The following XPR1 variants were observed in gnomAD, a reference collection of about 807,000 sequenced individuals.
XPR1 encodes the protein solute carrier family 53 member 1.
XPR1 carries 28 observed loss-of-function variants against 87.5 expected under a neutral mutation model. That is an observed-to-expected ratio of 0.32 (90% CI 0.24 to 0.44). The LOEUF is 0.44. Ranked by LOEUF, XPR1 falls within the 20% of genes least tolerant of loss-of-function variation. The pLI, the probability that XPR1 is intolerant of heterozygous loss-of-function variation, is 1.00. For synonymous variants in XPR1, 300 were observed against 306.1 expected (o/e 0.98, Z 0.21); for missense variants, 559 against 862.3 (o/e 0.65, Z 4.41).
chr1:180,814,158 AC>A (rs2102135357), intron 7 of XPR1, among the ~76,000 whole-genome samples: 1 of 152,292 alleles, frequency 6.6e-6, no homozygotes, highest in Admixed American at 6.5e-5. Flanking sequence ...TGAAATGATA[AC>A]CTACATTGTA....
intron 6 of XPR1, among the ~76,000 whole-genome samples, chr1:180,807,997 C>CA (rs893666425): frequency 1.3e-5 from 2 of 151,622 alleles, no homozygotes; most frequent in Non-Finnish European, 2.9e-5. Flanking sequence ...ACTCTGTCTC[C>CA]AAAAAAAGAA....
At position 180,888,632 on chromosome 1, in the gene XPR1, T is replaced by C. The variant is rs901748182; in HGVS notation, c.*4566T>C. ...ATTTATCAGCTTTGTTCATATTCTT[T>C]TTCTGAGTGATCTAAATTTTTCTTG... On this transcript the variant is annotated 3_prime_UTR_variant, in exon 15 of 15. Coordinates refer to ENST00000367590, the MANE Select transcript of XPR1 (RefSeq NM_004736.4). The C allele has an allele frequency of 2.0e-5, 3 of 152,026 alleles. No individual in the cohort carries two copies. Among genetic ancestry groups the C allele is most frequent in the Non-Finnish European group, 4.4e-5 (3 of 68,004 alleles). The allele number at this position is 152,026 out of a possible 1,614,324, so 9.4% of individuals were successfully genotyped here. A position where few individuals can be genotyped will look rare whatever the true frequency, so the allele number is the denominator to read the frequency against.
chr1:180,702,492 AT>A (rs1374550392), intron 2 of XPR1, among the ~76,000 whole-genome samples: 3 of 149,758 alleles, frequency 2.0e-5, no homozygotes, highest in Non-Finnish European at 3.0e-5. Context: ...TTCTTTCTTT[AT>A]TTTTTTTTGT....
At chr1:180,696,340 T>G (rs2101964756) in intron 2 of XPR1, among the ~76,000 whole-genome samples, 1 of 151,992 alleles carries the variant, frequency 6.6e-6, no homozygotes, top group Non-Finnish European at 1.5e-5. Context: ...CTTTACGGAA[T>G]TTATCACTTC....
intron 2 of XPR1, among the ~76,000 whole-genome samples, chr1:180,736,939 C>T (rs1015337541): frequency 1.3e-5 from 2 of 152,108 alleles, no homozygotes; most frequent in Admixed American, 6.5e-5. Flanking sequence ...GGAAAAGAAG[C>T]GATGTCTCAA....
At chr1:180,719,586 C>T (rs887220685) in intron 2 of XPR1, among the ~76,000 whole-genome samples, 1 of 151,774 alleles carries the variant, frequency 6.6e-6, no homozygotes, top group African/African-American at 2.4e-5. Flanking sequence ...TTCTTTTTTC[C>T]GCCTTCTTTT....
At chr1:180,683,719 A>G (rs1656667804) in intron 2 of XPR1, among the ~76,000 whole-genome samples, 1 of 152,122 alleles carries the variant, frequency 6.6e-6, no homozygotes, top group Non-Finnish European at 1.5e-5. Context: ...ATGGCCAGTG[A>G]TGATGAGCAT....
At position 180,664,510 on chromosome 1, in the gene XPR1, C is replaced by T. The variant is rs548251233; in HGVS notation, c.70-17850C>T. Reference sequence around the variant, plus strand: ...TTCCTACTGTAGCTCAGTTGGTATCCCAGTTGCAAGATGAAGTCCTCTTTA... The same window carrying T: ...TTCCTACTGTAGCTCAGTTGGTATCTCAGTTGCAAGATGAAGTCCTCTTTA... On this transcript the variant is annotated intron_variant, in intron 1 of 14. Coordinates refer to ENST00000367590, the MANE Select transcript of XPR1 (RefSeq NM_004736.4). 2.6e-5 allele frequency among the ~76,000 whole-genome samples: 4 copies of T among 152,210 alleles called. 1 individual carries two copies. Among genetic ancestry groups the T allele is most frequent in the Admixed American group, 2.6e-4 (4 of 15,286 alleles).
intron 11 of XPR1, among the ~76,000 whole-genome samples, chr1:180,846,744 G>C (rs1651697440): frequency 6.6e-6 from 1 of 151,856 alleles, no homozygotes; most frequent in African/African-American, 2.4e-5. Flanking sequence ...ACGGTGCCTG[G>C]CTAATACTTA....
At chr1:180,650,226 G>C (rs575793137) in intron 1 of XPR1, among the ~76,000 whole-genome samples, 1 of 151,750 alleles carries the variant, frequency 6.6e-6, no homozygotes, top group East Asian at 1.9e-4. Flanking sequence ...ATTTACCGCC[G>C]TCCCCCCAAC....
rs538092790 is a variant in XPR1, at chr1:180,842,648, A to G, written c.1501+5932A>G. ...TGGAGGAGGCACAAACGTGTTTTAA[A>G]TGGTTTTTGTGTGTCCTTGAGGTTT... is the stretch of plus-strand genomic sequence containing the variant. On this transcript the variant is annotated intron_variant, in intron 11 of 14. Coordinates refer to ENST00000367590, the MANE Select transcript of XPR1 (RefSeq NM_004736.4). Among the ~76,000 whole-genome samples, 11 of 152,278 alleles carry G rather than the reference A, an allele frequency of 7.2e-5. No individual in the cohort carries two copies. The South Asian group carries it at 2.3e-3, about 32-fold the overall frequency.
intron 11 of XPR1, among the ~76,000 whole-genome samples, chr1:180,850,847 T>C (rs1651842852): frequency 6.6e-6 from 1 of 151,982 alleles, no homozygotes; most frequent in Admixed American, 6.6e-5. Context: ...TATTTCTAGC[T>C]ACTTGGGAGG....
intron 2 of XPR1, among the ~76,000 whole-genome samples, chr1:180,733,040 G>A (rs758139774): frequency 1.5e-4 from 23 of 152,278 alleles, no homozygotes; most frequent in Non-Finnish European, 2.2e-4. Context: ...CCGGCGTGCC[G>A]GTGCATGTCG....
intron 2 of XPR1, among the ~76,000 whole-genome samples, chr1:180,722,340 C>T (rs746591672): frequency 6.6e-6 from 1 of 152,132 alleles, no homozygotes; most frequent in African/African-American, 2.4e-5. Flanking sequence ...GTGATCTACC[C>T]GCCTTGGCCT....
intron 2 of XPR1, among the ~76,000 whole-genome samples, chr1:180,684,136 T>C (rs937420084): frequency 6.6e-5 from 10 of 152,216 alleles, no homozygotes; most frequent in Non-Finnish European, 1.5e-4. Context: ...CTTGAATTAA[T>C]TTTTCTATAA....
rs546284207 is a variant in XPR1, at chr1:180,835,149, A to G, written c.1306+104A>G. The G allele has an allele frequency of 5.8e-5, 70 of 1,215,366 alleles. 1 individual carries two copies. In the South Asian group the frequency reaches 1.1e-3, roughly 19 times the overall value. 75.3% of individuals were successfully genotyped at this position (1,215,366 alleles called of 1,614,324 possible). On this transcript the variant is annotated intron_variant, in intron 10 of 14. Coordinates refer to ENST00000367590, the MANE Select transcript of XPR1 (RefSeq NM_004736.4). The stretch of plus-strand genomic sequence containing the variant: ...TAAGGTCATGATGAAAACTTACCCA[A>G]TAATATTATAAACTTAATTTAATGT...
chr1:180,778,035 G>C (rs1648788774), intron 2 of XPR1, among the ~76,000 whole-genome samples: 1 of 152,098 alleles, frequency 6.6e-6, no homozygotes, highest in South Asian at 2.1e-4. Context: ...TCAGGCTAGA[G>C]TATAACGTGA....
chr1:180,760,012 T>C (rs1047915044), intron 2 of XPR1, among the ~76,000 whole-genome samples: 10 of 151,802 alleles, frequency 6.6e-5, no homozygotes, highest in South Asian at 2.1e-4. Flanking sequence ...AAGACAAAAA[T>C]CACATGATTA....
In XPR1 at chr1:180,759,181, A is replaced by G. The variant is rs553908890; in HGVS notation, c.122-28572A>G. Among the ~76,000 whole-genome samples, 190 of 152,326 alleles carry G rather than the reference A, an allele frequency of 1.2e-3. 2 individuals carry two copies. The highest frequency in any genetic ancestry group is 2.5e-3 in the Admixed American group (38 of 15,306). ...AGAAAGCAGGAAAGATCTAAAATTG[A>G]CACCCTAACATCACAATAAAAAGAA... On this transcript the variant is annotated intron_variant, in intron 2 of 14. Coordinates refer to ENST00000367590, the MANE Select transcript of XPR1 (RefSeq NM_004736.4).
Sources: gnomAD v4.1 joint callset for allele counts (sites outside exome capture counted in the v4.1 genomes callset) on GRCh38, gnomAD v4.1.1 for gene constraint, MANE v1.5 for transcripts, NCBI Gene and HGNC (gene_info 2026-07-23, HGNC 2026-07-21) for gene names.